DNAH9: variants seen among roughly 807,000 people sequenced by gnomAD.
DNAH9 encodes the protein DNAH9 variant protein.
In DNAH9, 345 loss-of-function variants were observed where a neutral mutation model predicts 471.6. The observed-to-expected ratio is 0.73, with a 90% CI of 0.67 to 0.80. The LOEUF is 0.80. DNAH9 is among the 30% of genes least tolerant of loss of function. The probability of loss-of-function intolerance (pLI) is 0.00; values close to 1 mark genes in which losing one functional copy is unlikely to be tolerated. For synonymous variants in DNAH9, 2,093 were observed against 2,123.6 expected, an observed-to-expected ratio of 0.99 and a Z score of 0.40; for missense variants, 5,407 against 5,609.2, an observed-to-expected ratio of 0.96 and a Z score of 1.15.
chr17:11,667,245 A>G (rs935223363), intron 15 of DNAH9, among the ~76,000 whole-genome samples: 1 of 152,172 alleles, frequency 6.6e-6, no homozygotes, highest in Non-Finnish European at 1.5e-5. Flanking sequence ...TCATGAGTAT[A>G]TATATAAAGC....
intron 66 of DNAH9, among the ~76,000 whole-genome samples, chr17:11,941,165 A>G (rs1974892969): frequency 1.3e-5 from 2 of 152,170 alleles, no homozygotes; most frequent in African/African-American, 2.4e-5. Flanking sequence ...GTGACTAAAC[A>G]TAAACATAAA....
chr17:11,870,236 C>T (rs964456600), intron 51 of DNAH9, among the ~76,000 whole-genome samples: 2 of 152,242 alleles, frequency 1.3e-5, no homozygotes, highest in Non-Finnish European at 1.5e-5. Flanking sequence ...AGAGCACAGA[C>T]AGCAACTCTT....
chr17:11,791,039 CATTGCTCTTT>C (rs1969046404), intron 41 of DNAH9, among the ~76,000 whole-genome samples: 1 of 152,042 alleles, frequency 6.6e-6, no homozygotes, highest in Non-Finnish European at 1.5e-5. Context: ...TTACCTTTTC[CATTGCTCTTT>C]ATTCCTGTAC....
intron 57 of DNAH9, 101 bp from the exon 58 acceptor site, chr17:11,891,676 T>G: frequency 1.4e-6 from 2 of 1,431,572 alleles, no homozygotes; most frequent in South Asian, 1.5e-5. Flanking sequence ...TGGGAAAAAA[T>G]TTCTATGGGC....
At chr17:11,750,965 A>G (rs904586215) in intron 32 of DNAH9, among the ~76,000 whole-genome samples, 1 of 152,124 alleles carries the variant, frequency 6.6e-6, no homozygotes, top group Non-Finnish European at 1.5e-5. Flanking sequence ...AAATGTAAAT[A>G]TTGGTTCGCT....
intron 22 of DNAH9, among the ~76,000 whole-genome samples, chr17:11,695,426 T>C (rs905073265): frequency 6.6e-6 from 1 of 152,144 alleles, no homozygotes; most frequent in Non-Finnish European, 1.5e-5. Flanking sequence ...TAACTGAATA[T>C]GGAGGTAAGG....
intron 8 of DNAH9, among the ~76,000 whole-genome samples, chr17:11,635,594 A>G (rs2073147569): frequency 6.6e-6 from 1 of 152,152 alleles, no homozygotes; most frequent in African/African-American, 2.4e-5. Context: ...TTCAAGTGCT[A>G]GGTGGAGATG....
chr17:11,956,235 A>G (rs995658472), intron 67 of DNAH9, among the ~76,000 whole-genome samples: 9 of 152,238 alleles, frequency 5.9e-5, no homozygotes, highest in African/African-American at 1.9e-4. Flanking sequence ...TAAATAAGCA[A>G]TATTACCATG....
At chr17:11,916,556 C>T (rs1272478343) in intron 61 of DNAH9, among the ~76,000 whole-genome samples, 1 of 152,216 alleles carries the variant, frequency 6.6e-6, no homozygotes, top group Non-Finnish European at 1.5e-5. Context: ...GTCTGGAATC[C>T]ACATGGCTGA....
chr17:11,756,207 G>A (rs1967377760), intron 33 of DNAH9, among the ~76,000 whole-genome samples: 1 of 151,794 alleles, frequency 6.6e-6, no homozygotes, highest in Non-Finnish European at 1.5e-5. Flanking sequence ...AACCCTGGAG[G>A]CAGAGCTTGC....
intron 66 of DNAH9, 56 bp from the exon 67 acceptor site, chr17:11,942,247 A>G: frequency 6.3e-7 from 1 of 1,575,558 alleles, no homozygotes; most frequent in African/African-American, 1.3e-5. Flanking sequence ...AGGAAAATGG[A>G]TTCCTTCTGG....
At chr17:11,826,997 G>C (rs1261562327) in intron 48 of DNAH9, among the ~76,000 whole-genome samples, 3 of 151,626 alleles carry the variant, frequency 2.0e-5, no homozygotes, top group Admixed American at 1.3e-4. Context: ...GCTAATTTTT[G>C]TATTTTTAGT....
intron 52 of DNAH9, among the ~76,000 whole-genome samples, chr17:11,872,775 C>A (rs1003868907): frequency 6.6e-6 from 1 of 152,176 alleles, no homozygotes; most frequent in Non-Finnish European, 1.5e-5. Context: ...AAAAAATTAG[C>A]CGGGCATGGT....
At chr17:11,687,355 T>G (rs1307994610) in intron 19 of DNAH9, among the ~76,000 whole-genome samples, 3 of 152,234 alleles carry the variant, frequency 2.0e-5, no homozygotes, top group Non-Finnish European at 4.4e-5. Flanking sequence ...ATAACTGTTA[T>G]TCTGTTGCAT....
chr17:11,939,594 C>A (rs946817686), intron 66 of DNAH9, among the ~76,000 whole-genome samples: 1 of 152,064 alleles, frequency 6.6e-6, no homozygotes, highest in African/African-American at 2.4e-5. Flanking sequence ...CTGTCCACAC[C>A]GCAGGTCAGC....
Position 11,881,305 on chromosome 17 carries a change from G to C in DNAH9, c.10698G>C (p.Leu3566=), listed in dbSNP as rs777739375. 2 of 1,614,140 alleles carry C rather than the reference G, an allele frequency of 1.2e-6. No homozygotes were observed. Among genetic ancestry groups the C allele is most frequent in the Non-Finnish European group, 1.7e-6 (2 of 1,180,008 alleles). Reference sequence around the variant, plus strand: ...CTAATCCTCACTACCAGCCTGAGCTGCAGGCTCAGGCCACCCTGATCAACT... The same window carrying C: ...CTAATCCTCACTACCAGCCTGAGCTCCAGGCTCAGGCCACCCTGATCAACT... ...KLANPHYQPE[L]QAQATLINFT... Residue 3566 remains leucine, a synonymous_variant, in exon 55 of 69, where the codon CTG becomes CTC. Coordinates refer to ENST00000262442, the MANE Select transcript of DNAH9 (RefSeq NM_001372.4).
intron 60 of DNAH9, among the ~76,000 whole-genome samples, chr17:11,903,881 A>G (rs776858422): frequency 6.6e-5 from 10 of 151,160 alleles, no homozygotes; most frequent in Non-Finnish European, 5.9e-5. Context: ...ACCGCACTCT[A>G]GCCTGGGCAA....
intron 45 of DNAH9, among the ~76,000 whole-genome samples, chr17:11,812,232 A>G (rs1163500188): frequency 1.3e-5 from 2 of 151,236 alleles, no homozygotes; most frequent in Admixed American, 6.6e-5. Context: ...GTCAGTGTAC[A>G]AATGTTCCTG....
intron 49 of DNAH9, among the ~76,000 whole-genome samples, chr17:11,839,344 G>A (rs976258613): frequency 8.6e-5 from 13 of 151,184 alleles, no homozygotes; most frequent in South Asian, 2.1e-4. Flanking sequence ...GTGAAACCCC[G>A]TCTCTACTAA....
Sources: gnomAD v4.1 joint callset for allele counts (sites outside exome capture counted in the v4.1 genomes callset) on GRCh38, gnomAD v4.1.1 for gene constraint, MANE v1.5 for transcripts, NCBI Gene and HGNC (gene_info 2026-07-23, HGNC 2026-07-21) for gene names.